The following PSMC6 variants were observed in gnomAD, a reference collection of about 807,000 sequenced individuals.
The protein encoded by PSMC6 is 26S proteasome regulatory subunit 10B.
Under a neutral mutation model 55.9 loss-of-function variants are expected in PSMC6, and 3 were observed. The ratio of observed to expected loss-of-function variants is 0.05; its 90% CI spans 0.02 to 0.14. The LOEUF is 0.14. Ranked by LOEUF, PSMC6 falls within the 10% of genes least tolerant of loss-of-function variation. The pLI, the probability that PSMC6 is intolerant of heterozygous loss-of-function variation, is 1.00. For missense variants in PSMC6, 210 were observed against 478.7 expected (o/e 0.44, Z 5.24); for synonymous variants, 137 against 155.9 (o/e 0.88, Z 0.90).
At chr14:52,715,596 TTTTTCTTTTTTTC>T (rs551438193) in intron 7 of PSMC6, among the ~76,000 whole-genome samples, 278 of 151,976 alleles carry the variant, frequency 1.8e-3, no homozygotes, top group Non-Finnish European at 2.8e-3. Context: ...TGGTTGAAGC[TTTTTCTTTTTTTC>T]TTTTCTTTTC....
chr14:52,708,255 TAAAC>T (rs2041726329), intron 1 of PSMC6, 50 bp from the exon 2 acceptor site: 5 of 1,479,916 alleles, frequency 3.4e-6, no homozygotes, highest in Non-Finnish European at 4.7e-6. Context: ...CGTAGCGACT[TAAAC>T]ACACTAAGAT....
Position 52,727,567 on chromosome 14 carries a change from G to A in PSMC6, c.1120G>A (p.Val374Met). Residue 374 changes from valine to methionine, a missense_variant, in exon 14 of 14, where the codon GTG (valine) becomes ATG (methionine). Physicochemically the swap from Val to Met is conservative, Grantham distance 21. Coordinates refer to ENST00000445930, the MANE Select transcript of PSMC6 (RefSeq NM_002806.5). ...QEDFMKAVRK[V>M]ADSKKLESKL... ...AGACTTCATGAAAGCAGTCAGAAAA[G>A]TGGCTGATTCTAAGAAGCTGGAGTC... The A allele has an allele frequency of 1.2e-6, 2 of 1,611,816 alleles. No individual in the cohort carries two copies. The highest frequency in any genetic ancestry group is 1.7e-6 in the Non-Finnish European group (2 of 1,179,748).
At chr14:52,725,989 T>C (rs552117245) in intron 13 of PSMC6, among the ~76,000 whole-genome samples, 1 of 152,366 alleles carries the variant, frequency 6.6e-6, no homozygotes, top group African/African-American at 2.4e-5. Context: ...TAGGACAACA[T>C]AGATTGTTTC....
At chr14:52,719,817 A>G (rs1479373862) in intron 10 of PSMC6, among the ~76,000 whole-genome samples, 1 of 152,246 alleles carries the variant, frequency 6.6e-6, no homozygotes, top group African/African-American at 2.4e-5. Flanking sequence ...CAGACTAGCT[A>G]TATTTTAGAG....
At chr14:52,716,942 C>A (rs1434587210) in intron 7 of PSMC6, among the ~76,000 whole-genome samples, 3 of 152,076 alleles carry the variant, frequency 2.0e-5, no homozygotes, top group African/African-American at 7.2e-5. Context: ...AAAAATTGAA[C>A]TCGTAGAAAC....
chr14:52,727,368 A>G, intron 13 of PSMC6, 131 bp from the exon 14 acceptor site: 1 of 682,590 alleles, frequency 1.5e-6, no homozygotes, highest in Non-Finnish European at 2.4e-6. Context: ...TTTTTAGCAA[A>G]TTACAACTAC....
In PSMC6 at chr14:52,712,384, T is replaced by TAAAAAAAAAA. The variant is rs35697515; in HGVS notation, c.441+861_441+870dup. On this transcript the variant is annotated intron_variant, in intron 6 of 13. Transcript: ENST00000445930. ...ACTTGAGGAAGCACTGGTCTAAGTG[T>TAAAAAAAAAA]AAAAAAAAAAGGCAGTTCTCACCTG... Among the ~76,000 whole-genome samples the TAAAAAAAAAA allele has an allele frequency of 6.7e-4, 94 of 139,442 alleles. 1 individual carries two copies. The highest frequency in any genetic ancestry group is 2.0e-3 in the African/African-American group (74 of 37,022). 91.5% of individuals were successfully genotyped at this position (139,442 alleles called of 152,430 possible).
At chr14:52,712,177 G>T (rs1407489707) in intron 6 of PSMC6, among the ~76,000 whole-genome samples, 4 of 152,124 alleles carry the variant, frequency 2.6e-5, no homozygotes, top group Admixed American at 2.6e-4. Context: ...TACACAATCT[G>T]ATTTAAGCTT....
At chr14:52,710,784 A>C (rs530951574) in intron 4 of PSMC6, 1 of 337,928 alleles carries the variant, frequency 3.0e-6, no homozygotes, top group Non-Finnish European at 5.5e-6. Context: ...TAAAATGTTC[A>C]CTAAGGGATT....
chr14:52,724,094 T>G, intron 13 of PSMC6, 58 bp downstream of exon 13: 2 of 1,494,066 alleles, frequency 1.3e-6, no homozygotes, highest in Non-Finnish European at 9.3e-7. Flanking sequence ...TTGCTGAAAC[T>G]GTTTTGAGTT....
intron 7 of PSMC6, among the ~76,000 whole-genome samples, chr14:52,714,906 A>C (rs921511910): frequency 6.6e-6 from 1 of 151,824 alleles, no homozygotes; most frequent in Non-Finnish European, 1.5e-5. Flanking sequence ...ATATAAAGCA[A>C]ATGTACCTAT....
At chr14:52,709,623 A>G (rs768381597) in intron 4 of PSMC6, 4 of 456,008 alleles carry the variant, frequency 8.8e-6, no homozygotes, top group South Asian at 4.7e-5. Flanking sequence ...TTCAGGTTGC[A>G]TGAGGACAAG....
intron 3 of PSMC6, 23 bp from the exon 4 acceptor site, chr14:52,708,741 T>A (rs202142782): frequency 2.5e-6 from 4 of 1,610,926 alleles, no homozygotes; most frequent in Non-Finnish European, 3.4e-6. Flanking sequence ...TTTCAATTAG[T>A]TCTTTTATGT....
rs753582556 is a variant in PSMC6 at position 52,727,501 on chromosome 14, A to G, written c.1054A>G (p.Met352Val). ...DLRNVCTEAG[M>V]FAIRADHDFV... is the part of the protein sequence containing the mutation. ...TCATGTTGTTTTATTCTCTACAGGTATGTTCGCAATTCGTGCTGATCATGA... is the reference window on the plus strand; with the variant it reads ...TCATGTTGTTTTATTCTCTACAGGTGTGTTCGCAATTCGTGCTGATCATGA... The change falls in exon 14 of 14, where the codon ATG (methionine) becomes GTG (valine). Residue 352 changes from methionine to valine, a missense_variant and splice_region_variant. Met to Val is a conservative substitution (Grantham distance 21). Transcript: ENST00000445930. 1.9e-6 allele frequency: 3 copies of G among 1,605,782 alleles called. No individual in the cohort carries two copies. In the South Asian group the frequency reaches 3.3e-5, roughly 18 times the overall value.
intron 4 of PSMC6, chr14:52,710,836 C>T: frequency 2.3e-6 from 1 of 441,008 alleles, no homozygotes; most frequent in Middle Eastern, 6.5e-4. Context: ...AGTCACTGTA[C>T]CATTGCTGCC....
chr14:52,708,690 A>T, intron 3 of PSMC6, 74 bp from the exon 4 acceptor site: 1 of 1,595,120 alleles, frequency 6.3e-7, no homozygotes, highest in South Asian at 1.1e-5. Context: ...ATACAACTAA[A>T]CCCTCTGTCA....
At position 52,708,542 on chromosome 14, in the gene PSMC6, A is replaced by G. The variant is rs755469022; in HGVS notation, c.205+20A>G. ...AAAAATGTGAGTGATGAATTAGCTT[A>G]TTAATTAGTAAAGAAACAGTCCACC... On this transcript the variant is annotated intron_variant, in intron 3 of 13. Transcript: ENST00000445930. 6.2e-7 allele frequency: 1 copy of G among 1,606,666 alleles called. No homozygotes were observed. The highest frequency in any genetic ancestry group is 8.5e-7 in the Non-Finnish European group (1 of 1,173,586).
Position 52,708,612 on chromosome 14 carries a change from CAG to C in PSMC6, c.205+101_205+102del, listed in dbSNP as rs113460170. 2,949 of 1,518,550 alleles carry C rather than the reference CAG, an allele frequency of 1.9e-3. 45 individuals carry two copies. The African/African-American group carries it at 0.034, about 18-fold the overall frequency. The allele number at this position is 1,518,550 out of a possible 1,614,324, so 94.1% of individuals were successfully genotyped here. On this transcript the variant is annotated intron_variant, in intron 3 of 13. Transcript: ENST00000445930. ...GCTTATTATTTTAATGACAATAATG[CAG>C]AGAGAGAGAGTATTTTTGAATAGAC...
At chr14:52,709,401 TGTCATTTCAG>T (rs1374904867) in intron 4 of PSMC6, among the ~76,000 whole-genome samples, 1 of 152,256 alleles carries the variant, frequency 6.6e-6, no homozygotes, top group East Asian at 1.9e-4. Context: ...TCTGTTTAAT[TGTCATTTCAG>T]GTTCAGGTTT....
Sources: allele counts gnomAD v4.1 joint callset (sites outside exome capture counted in the v4.1 genomes callset), GRCh38; gene constraint gnomAD v4.1.1; transcripts MANE v1.5; gene names NCBI Gene and HGNC (gene_info 2026-07-23, HGNC 2026-07-21).